The following MAN2C1 variants were observed in gnomAD, a reference collection of about 807,000 sequenced individuals.
The protein encoded by MAN2C1 is mannosidase alpha class 2C member 1, also known as alpha-mannosidase 2C1.
In MAN2C1, 111 loss-of-function variants were observed where a neutral mutation model predicts 126.9. The ratio of observed to expected loss-of-function variants is 0.87; its 90% CI spans 0.75 to 1.02. The LOEUF is 1.02. Among genes scored for constraint, MAN2C1 ranks in the 50% least tolerant of loss-of-function variants. MAN2C1 has a pLI of 0.00. For missense variants in MAN2C1, 1,363 were observed against 1,364.4 expected (o/e 1.00, Z 0.02); for synonymous variants, 567 against 561.5 (o/e 1.01, Z -0.14).
chr15:75,360,492 C>T (rs1275837466), intron 13 of MAN2C1, 73 bp downstream of exon 13: 3 of 1,582,814 alleles, frequency 1.9e-6, no homozygotes, highest in African/African-American at 1.3e-5. Flanking sequence ...GGCTCTGTCC[C>T]CTGCTGCCTT....
rs772341183 is a variant in MAN2C1 at position 75,367,510 on chromosome 15, C to T, written c.351+1G>A. 53 of 1,613,686 alleles carry T rather than the reference C, an allele frequency of 3.3e-5. 1 individual carries two copies. The Admixed American group carries it at 7.0e-4, about 21-fold the overall frequency. On this transcript the variant is annotated splice_donor_variant, in intron 3 of 25. Transcript: ENST00000267978. LOFTEE classifies it high-confidence loss of function. Reference sequence around the variant, plus strand: ...CCTGGCCCTAGGACAGGGTTCCTCACCTGGACAGGTTCTCCATCACGCCAC... The same window carrying T: ...CCTGGCCCTAGGACAGGGTTCCTCATCTGGACAGGTTCTCCATCACGCCAC...
chr15:75,364,049 C>A lies in MAN2C1; in HGVS notation c.740G>T (p.Gly247Val), dbSNP rs566994555. 3.1e-6 allele frequency: 5 copies of A among 1,614,194 alleles called. No individual in the cohort carries two copies. The highest frequency in any genetic ancestry group is 1.1e-5 in the South Asian group (1 of 91,086). The change falls in exon 6 of 26, where the codon GGT becomes GTT. Residue 247 changes from glycine to valine, a missense_variant. By Grantham distance (109) the Gly-to-Val change is moderately radical (BLOSUM62 -3). Transcript: ENST00000267978. ...LASRFFGQHG[G>V]ESQHTIHATG... ...GGCATGAATGGTGTGTTGGCTTTCACCCCCATGTTGGCCAAAGAACCTGGA... is the reference window on the plus strand; with the variant it reads ...GGCATGAATGGTGTGTTGGCTTTCAACCCCATGTTGGCCAAAGAACCTGGA...
chr15:75,361,036 C>T lies in MAN2C1; in HGVS notation c.1460+10G>A. 2.5e-6 allele frequency: 4 copies of T among 1,604,142 alleles called. No individual in the cohort carries two copies. Among genetic ancestry groups the T allele is most frequent in the Non-Finnish European group, 3.4e-6 (4 of 1,175,930 alleles). ...GGTGGGGCTAAAGGAGAGCCAAGGC[C>T]TGGCCTGACCTGGGCAGCCCATCCG... On this transcript the variant is annotated intron_variant, in intron 12 of 25. Transcript: ENST00000267978. The surrounding 1 kb of genome is among the most constrained non-coding windows in gnomAD (Gnocchi z 5.0).
chr15:75,367,736 G>T, intron 2 of MAN2C1, 102 bp from the exon 3 acceptor site: 3 of 1,444,788 alleles, frequency 2.1e-6, no homozygotes, highest in South Asian at 1.3e-5. Context: ...CCAAGCATCT[G>T]CAGTGTCACA....
chr15:75,357,161 T>C, intron 21 of MAN2C1: 1 of 456,014 alleles, frequency 2.2e-6, no homozygotes, highest in South Asian at 2.7e-5. Context: ...TTTGTTTTTT[T>C]CACACAGGAT....
Position 75,359,397 on chromosome 15 carries a change from A to G in MAN2C1, c.1977T>C (p.Tyr659=). 1.2e-6 allele frequency: 2 copies of G among 1,610,496 alleles called. No homozygotes were observed. Among genetic ancestry groups the G allele is most frequent in the East Asian group, 2.2e-5 (1 of 44,876 alleles). The change falls in exon 17 of 26, where the codon TAT becomes TAC. Residue 659 remains tyrosine, a synonymous_variant. Transcript: ENST00000267978. ...GTGAGGTGGGGGGAGGAACAGGAGC[A>G]TAGCCCATGCTGGGCACTGTCACCA... The part of the protein sequence containing the change: ...LALVTVPSMG[Y]APVPPPTSLQ...
At chr15:75,359,227 G>T in intron 17 of MAN2C1, 74 bp from the exon 18 acceptor site, 1 of 1,061,486 alleles carries the variant, frequency 9.4e-7, no homozygotes, top group Non-Finnish European at 1.4e-6. Flanking sequence ...CCCAACCCCA[G>T]CCCCGCCTCA....
Position 75,368,077 on chromosome 15 carries a change from G to C in MAN2C1, c.223C>G (p.Pro75Ala). 1 of 1,606,270 alleles carries C rather than the reference G, an allele frequency of 6.2e-7. No homozygotes were observed. Among genetic ancestry groups the C allele is most frequent in the Non-Finnish European group, 8.5e-7 (1 of 1,177,586 alleles). ...CACCCGCTGGGCGTTACCTACGTGG[G>C]TCCGAAGCTGTCGCCGACCTGCGCG... ...RPAQVGDSFGPTWWTCWFRVE... is the reference protein window; with the variant it reads ...RPAQVGDSFGATWWTCWFRVE... The change falls in exon 2 of 26, where the codon CCC becomes GCC. Residue 75 changes from proline to alanine, a missense_variant. Coordinates refer to ENST00000267978, the MANE Select transcript of MAN2C1 (RefSeq NM_006715.4).
chr15:75,368,080 CG>C lies in MAN2C1; in HGVS notation c.219del (p.Phe73LeufsTer14). The stretch of plus-strand genomic sequence containing the variant: ...CCGCTGGGCGTTACCTACGTGGGTC[CG>C]AAGCTGTCGCCGACCTGCGCGGGGC... ...DFRPAQVGDS[F>X]GPTWWTCWFR... On this transcript the variant is annotated frameshift_variant, in exon 2 of 26. Coordinates refer to ENST00000267978, the MANE Select transcript of MAN2C1 (RefSeq NM_006715.4). LOFTEE classifies it high-confidence loss of function. 1 of 1,606,684 alleles carries C rather than the reference CG, an allele frequency of 6.2e-7. No homozygotes were observed. The highest frequency in any genetic ancestry group is 8.5e-7 in the Non-Finnish European group (1 of 1,177,746).
chr15:75,361,674 A>G lies in MAN2C1; in HGVS notation c.1148T>C (p.Ile383Thr), dbSNP rs573843826. 6.2e-7 allele frequency: 1 copy of G among 1,614,048 alleles called. No homozygotes were observed. Among genetic ancestry groups the G allele is most frequent in the East Asian group, 2.2e-5 (1 of 44,884 alleles). ...GCGCCTGATGCCACAGCCGTGCATG[A>G]TCTGGGGGAGCTGTGCTGAGTAGCC... Reference protein sequence around the residue: ...TFGYSAQLPQIMHGCGIRRFL... With the variant: ...TFGYSAQLPQTMHGCGIRRFL... Residue 383 changes from isoleucine (I) to threonine (T), a missense_variant, in exon 10 of 26, where the codon ATC becomes ACC. By Grantham distance (89) the Ile-to-Thr change is moderately conservative (BLOSUM62 -1). Coordinates refer to ENST00000267978, the MANE Select transcript of MAN2C1 (RefSeq NM_006715.4). The surrounding 1 kb of genome is among the most constrained non-coding windows in gnomAD (Gnocchi z 5.0).
At position 75,364,421 on chromosome 15, in the gene MAN2C1, C is replaced by A; in HGVS notation, c.600+67G>T. ...GATTCCCAGAGTCCCATTTATCTGA[C>A]CCAAAGAACAACCTTCTTGGAGCAG... On this transcript the variant is annotated intron_variant, in intron 5 of 25. Transcript: ENST00000267978. 2.1e-6 allele frequency: 3 copies of A among 1,458,778 alleles called. 1 individual carries two copies. In the South Asian group the frequency reaches 4.3e-5, roughly 21 times the overall value. 90.4% of individuals were successfully genotyped at this position (1,458,778 alleles called of 1,614,324 possible).
At chr15:75,364,397 A>C in intron 5 of MAN2C1, 91 bp downstream of exon 5, 1 of 1,384,256 alleles carries the variant, frequency 7.2e-7, no homozygotes, top group Non-Finnish European at 9.7e-7. Flanking sequence ...CCTACTCTGG[A>C]TTCCCAGAGT....
In MAN2C1 at chr15:75,362,977, G is replaced by A; in HGVS notation, c.791-229C>T. 1 of 534,030 alleles carries A rather than the reference G, an allele frequency of 1.9e-6. No individual in the cohort carries two copies. Among genetic ancestry groups the A allele is most frequent in the Non-Finnish European group, 3.4e-6 (1 of 295,532 alleles). The allele number at this position is 534,030 out of a possible 1,614,324, so 33.1% of individuals were successfully genotyped here. On this transcript the variant is annotated intron_variant, in intron 6 of 25. Transcript: ENST00000267978. This position sits in a 1 kb window ranked among gnomAD's most constrained non-coding sequence, Gnocchi z 4.5. The stretch of plus-strand genomic sequence containing the variant: ...GGCCAATTATACAGGTCAGGAAATG[G>A]AGGCTCCAGGCCCCAGAATAGCCTC...
intron 2 of MAN2C1, 88 bp from the exon 3 acceptor site, chr15:75,367,722 C>T: frequency 1.3e-6 from 2 of 1,528,114 alleles, no homozygotes; most frequent in Admixed American, 1.8e-5. Flanking sequence ...GGGCTTGAAA[C>T]TCTCCAAGCA....
At chr15:75,359,011 TG>T (rs754516831) in intron 18 of MAN2C1, 47 bp downstream of exon 18, 2 of 1,608,010 alleles carry the variant, frequency 1.2e-6, no homozygotes, top group Admixed American at 3.3e-5. Context: ...GGAAATGGCC[TG>T]GGGTCTACTT....
Position 75,362,022 on chromosome 15 carries a change from A to T in MAN2C1, c.1009-75T>A. 2.7e-6 allele frequency: 3 copies of T among 1,115,068 alleles called. No individual in the cohort carries two copies. The South Asian group carries it at 3.7e-5, about 14-fold the overall frequency. 69.1% of individuals were successfully genotyped at this position (1,115,068 alleles called of 1,614,324 possible). ...GCAGGCAGGCGCTCAGGCCAACCCA[A>T]TCCCTGCAGGAGAAGCCAGGGCTGC... On this transcript the variant is annotated intron_variant, in intron 8 of 25. Coordinates refer to ENST00000267978, the MANE Select transcript of MAN2C1 (RefSeq NM_006715.4). The surrounding 1 kb of genome is among the most constrained non-coding windows in gnomAD (Gnocchi z 4.5).
At position 75,361,915 on chromosome 15, in the gene MAN2C1, C is replaced by T. The variant is rs753786666; in HGVS notation, c.1041G>A (p.Val347=). 1.2e-6 allele frequency: 2 copies of T among 1,614,168 alleles called. No individual in the cohort carries two copies. Among genetic ancestry groups the T allele is most frequent in the Admixed American group, 1.7e-5 (1 of 60,032 alleles). The part of the protein sequence containing the change: ...DGNLPSGEAM[V]RQFLQGQNFF... ...AGTTCTGGCCCTGCAAAAACTGCCT[C>T]ACCATGGCCTCTCCACTGGGCAGGT... Residue 347 remains valine, a synonymous_variant, in exon 9 of 26, where the codon GTG becomes GTA. Coordinates refer to ENST00000267978, the MANE Select transcript of MAN2C1 (RefSeq NM_006715.4). This position sits in a 1 kb window ranked among gnomAD's most constrained non-coding sequence, Gnocchi z 5.0.
chr15:75,361,379 G>A lies in MAN2C1; in HGVS notation c.1221C>T (p.His407=), dbSNP rs2072465541. 6.4e-7 allele frequency: 1 copy of A among 1,562,068 alleles called. No individual in the cohort carries two copies. ...LSWNLVNSFP[H]HTFFWEGLDG... ...CCAGGCCCTCCCAGAAAAATGTATG[G>A]TGCTACCAGCAGGGAAACAGAAGCA... Residue 407 remains histidine, a splice_region_variant and synonymous_variant, in exon 11 of 26, where the codon CAC becomes CAT. Coordinates refer to ENST00000267978, the MANE Select transcript of MAN2C1 (RefSeq NM_006715.4). This position sits in a 1 kb window ranked among gnomAD's most constrained non-coding sequence, Gnocchi z 5.0.
intron 6 of MAN2C1, chr15:75,363,748 G>A: frequency 2.2e-6 from 1 of 459,648 alleles, no homozygotes; most frequent in Non-Finnish European, 3.9e-6. Flanking sequence ...AGAGGTTGCA[G>A]TGAGCCGAGA....
Sources: gnomAD v4.1 joint callset for allele counts on GRCh38, gnomAD v4.1.1 for gene constraint, Gnocchi (gnomAD v3.1) non-coding constraint, MANE v1.5 for transcripts, NCBI Gene and HGNC (gene_info 2026-07-23, HGNC 2026-07-21) for gene names.